PPM1L: variants seen among roughly 807,000 people sequenced by gnomAD.
The protein encoded by PPM1L is protein phosphatase 1L.
A neutral mutation model predicts 31.4 loss-of-function variants in PPM1L; 13 were observed. The observed-to-expected ratio is 0.41, with a 90% confidence interval of 0.27 to 0.66. The LOEUF (loss-of-function observed/expected upper bound fraction) is 0.66, where lower values mean the gene tolerates loss of function less well. PPM1L is among the 30% of genes least tolerant of loss of function. The pLI is 0.29. For missense variants in PPM1L, 326 were observed against 453.7 expected (o/e 0.72, Z 2.56); for synonymous variants, 184 against 175.4 (o/e 1.05, Z -0.39).
chr3:160,783,056 G>C (rs1300995130), intron 1 of PPM1L, among the ~76,000 whole-genome samples: 3 of 152,056 alleles, frequency 2.0e-5, no homozygotes, highest in Non-Finnish European at 4.4e-5. Context: ...AGCAACTATA[G>C]AAATGTACAT....
intron 2 of PPM1L, among the ~76,000 whole-genome samples, chr3:161,029,764 A>G (rs950866381): frequency 2.6e-5 from 4 of 152,144 alleles, no homozygotes; most frequent in African/African-American, 9.7e-5. Flanking sequence ...AGCCCCATAG[A>G]ATTTCTCCTT....
chr3:161,033,728 C>G (rs966915606), intron 2 of PPM1L, among the ~76,000 whole-genome samples: 7 of 152,258 alleles, frequency 4.6e-5, no homozygotes, highest in Admixed American at 4.6e-4. Context: ...AGACCTAAAA[C>G]CATAAAAACC....
intron 1 of PPM1L, among the ~76,000 whole-genome samples, chr3:160,812,376 TC>T (rs1482069847): frequency 2.6e-5 from 4 of 152,210 alleles, no homozygotes; most frequent in Admixed American, 6.5e-5. Flanking sequence ...TGTTCCTTTT[TC>T]TTTCTTCATA....
At chr3:160,763,585 G>C (rs1051666033) in intron 1 of PPM1L, among the ~76,000 whole-genome samples, 3 of 152,324 alleles carry the variant, frequency 2.0e-5, no homozygotes, top group African/African-American at 7.2e-5. Flanking sequence ...TGAGGAGAGT[G>C]GGAGATGCTG....
chr3:160,877,496 C>T (rs6801330), intron 1 of PPM1L, among the ~76,000 whole-genome samples: 113,567 of 152,114 alleles, frequency 0.75, 42,766 homozygotes, highest in Middle Eastern at 0.82. Context: ...CAGGTGCCAT[C>T]GAAGCAGCAT....
intron 1 of PPM1L, among the ~76,000 whole-genome samples, chr3:160,781,397 C>A (rs915218375): frequency 6.6e-6 from 1 of 152,184 alleles, no homozygotes; most frequent in African/African-American, 2.4e-5. Flanking sequence ...TCTTGTAGAT[C>A]TTCCTCGCCA....
intron 2 of PPM1L, among the ~76,000 whole-genome samples, chr3:160,977,045 A>T (rs1390720614): frequency 4.6e-5 from 7 of 152,046 alleles, no homozygotes; most frequent in Non-Finnish European, 8.8e-5. Flanking sequence ...ACTGCTTTGA[A>T]TGCGTCCCAG....
At chr3:160,984,145 C>T (rs1250139586) in intron 2 of PPM1L, among the ~76,000 whole-genome samples, 1 of 152,166 alleles carries the variant, frequency 6.6e-6, no homozygotes, top group Non-Finnish European at 1.5e-5. Context: ...AGCCTTGGGG[C>T]ACTGCAGGAG....
At chr3:160,903,668 C>T (rs1446434948) in intron 1 of PPM1L, among the ~76,000 whole-genome samples, 1 of 151,906 alleles carries the variant, frequency 6.6e-6, no homozygotes, top group Non-Finnish European at 1.5e-5. Context: ...ATTCCATAAA[C>T]ATCTCTTGAG....
chr3:161,005,461 A>G (rs895907190), intron 2 of PPM1L, among the ~76,000 whole-genome samples: 4 of 152,208 alleles, frequency 2.6e-5, no homozygotes, highest in Admixed American at 2.6e-4. Context: ...TAGGAAAAAG[A>G]GATGGCCATC....
At chr3:160,953,984 C>G (rs1025980943) in intron 1 of PPM1L, among the ~76,000 whole-genome samples, 4 of 152,114 alleles carry the variant, frequency 2.6e-5, no homozygotes, top group African/African-American at 9.7e-5. Context: ...GGCTGCTTTA[C>G]CTTGTAAAGA....
At chr3:160,958,433 A>G (rs1474647602) in intron 1 of PPM1L, among the ~76,000 whole-genome samples, 1 of 152,214 alleles carries the variant, frequency 6.6e-6, no homozygotes, top group African/African-American at 2.4e-5. Flanking sequence ...CAATATTTGT[A>G]AAATGTGAAT....
At chr3:160,878,526 C>G (rs1466005473) in intron 1 of PPM1L, among the ~76,000 whole-genome samples, 1 of 152,138 alleles carries the variant, frequency 6.6e-6, no homozygotes, top group Non-Finnish European at 1.5e-5. Context: ...CTTATAAGGG[C>G]ACTAACCTTG....
At chr3:160,897,316 C>G (rs1157115279) in intron 1 of PPM1L, among the ~76,000 whole-genome samples, 1 of 152,124 alleles carries the variant, frequency 6.6e-6, no homozygotes. Context: ...GCTGGGATTA[C>G]AGGTGTGAGC....
intron 1 of PPM1L, among the ~76,000 whole-genome samples, chr3:160,863,934 A>G (rs1711993844): frequency 1.3e-5 from 2 of 152,124 alleles, no homozygotes; most frequent in Admixed American, 1.3e-4. Context: ...TTTGAGATGG[A>G]AAAAAACATC....
intron 2 of PPM1L, among the ~76,000 whole-genome samples, chr3:161,056,932 G>C (rs563911254): frequency 6.6e-6 from 1 of 151,916 alleles, no homozygotes; most frequent in African/African-American, 2.4e-5. Context: ...GCATGGTGGC[G>C]CACGCCTGTA....
chr3:161,023,441 A>G (rs73158257), intron 2 of PPM1L, among the ~76,000 whole-genome samples: 12,213 of 151,948 alleles, frequency 0.08, 641 homozygotes, highest in East Asian at 0.24. Context: ...TTTTCTATCT[A>G]TTTCTCAAAT....
intron 2 of PPM1L, among the ~76,000 whole-genome samples, chr3:160,965,451 T>C (rs1368925001): frequency 6.6e-6 from 1 of 152,098 alleles, no homozygotes; most frequent in Non-Finnish European, 1.5e-5. Flanking sequence ...TTCACTAAAT[T>C]ACATGAGATT....
rs1423857454 is a variant in PPM1L at position 160,933,100 on chromosome 3, G to T, written c.400-28636G>T. On this transcript the variant is annotated intron_variant, in intron 1 of 3. Coordinates refer to ENST00000498165, the MANE Select transcript of PPM1L (RefSeq NM_139245.4). ...TTTCTATTTACATTTTGCTGTAGTT[G>T]AGAAAGTGAGGCACATCTGTACTTG... is the stretch of plus-strand genomic sequence containing the variant. Among the ~76,000 whole-genome samples, 3 of 152,184 alleles carry T rather than the reference G, an allele frequency of 2.0e-5. No individual in the cohort carries two copies. In the East Asian group the frequency reaches 5.8e-4, roughly 29 times the overall value.
Sources: gnomAD v4.1 joint callset for allele counts (sites outside exome capture counted in the v4.1 genomes callset) on GRCh38, gnomAD v4.1.1 for gene constraint, MANE v1.5 for transcripts, NCBI Gene and HGNC (gene_info 2026-07-23, HGNC 2026-07-21) for gene names.